Variants in HDAC9 observed in about 807,000 individuals in gnomAD.
The protein encoded by HDAC9 is MEF-2 interacting transcription repressor (MITR) protein.
In HDAC9, 41 loss-of-function variants were observed where a neutral mutation model predicts 139.4. The observed-to-expected ratio is 0.29, with a 90% CI of 0.23 to 0.38. HDAC9 has a LOEUF of 0.38. HDAC9 is among the 10% of genes least tolerant of loss of function. HDAC9 has a pLI of 1.00. For synonymous variants in HDAC9, 517 were observed against 476.2 expected, an observed-to-expected ratio of 1.09 and a Z score of -1.12; for missense variants, 1,147 against 1,297.0, an observed-to-expected ratio of 0.88 and a Z score of 1.78.
chr7:18,542,168 C>T (rs182303700), intron 2 of HDAC9, among the ~76,000 whole-genome samples: 4 of 152,246 alleles, frequency 2.6e-5, no homozygotes, highest in East Asian at 1.9e-4. Flanking sequence ...CCACTGATCT[C>T]GATGTTCTAT....
chr7:18,149,625 A>G (rs1584335282), intron 1 of HDAC9, among the ~76,000 whole-genome samples: 1 of 151,866 alleles, frequency 6.6e-6, no homozygotes, highest in East Asian at 1.9e-4. Flanking sequence ...ATCTCGGCTC[A>G]CTGCAGGCTT....
chr7:18,635,225 T>C (rs1195505634), intron 8 of HDAC9, among the ~76,000 whole-genome samples: 1 of 151,818 alleles, frequency 6.6e-6, no homozygotes, highest in African/African-American at 2.4e-5. Flanking sequence ...TACAGGCCTC[T>C]CAGAGGAAGA....
intron 2 of HDAC9, among the ~76,000 whole-genome samples, chr7:18,196,723 G>A (rs952313713): frequency 3.9e-5 from 6 of 152,164 alleles, no homozygotes; most frequent in South Asian, 2.1e-4. Context: ...TGTCCACAGC[G>A]TACGCAGTGA....
chr7:18,559,570 C>G (rs1355977936), intron 2 of HDAC9, among the ~76,000 whole-genome samples: 1 of 152,154 alleles, frequency 6.6e-6, no homozygotes, highest in Non-Finnish European at 1.5e-5. Flanking sequence ...CATTCCCCAT[C>G]TCTTTTTTCC....
intron 1 of HDAC9, among the ~76,000 whole-genome samples, chr7:18,395,880 A>G (rs1786983008): frequency 6.6e-6 from 1 of 152,150 alleles, no homozygotes; most frequent in Non-Finnish European, 1.5e-5. Context: ...TATGTGAGAA[A>G]AATTTAGGAG....
Position 18,610,219 on chromosome 7 carries a change from ATTAGT to A in HDAC9, c.664+16199_664+16203del, listed in dbSNP as rs554006839. 1.7e-3 allele frequency among the ~76,000 whole-genome samples: 266 copies of A among 152,312 alleles called. 1 individual carries two copies. The highest frequency in any genetic ancestry group is 2.7e-3 in the Non-Finnish European group (184 of 68,026). On this transcript the variant is annotated intron_variant, in intron 6 of 25. Transcript: ENST00000686413. ...TTTAAGAAGCAAGCACCAAATACAA[ATTAGT>A]TTAGTTTAAAAAGTGGGAGGTGTTT...
chr7:18,851,990 G>C (rs1198852145), intron 21 of HDAC9, among the ~76,000 whole-genome samples: 1 of 152,182 alleles, frequency 6.6e-6, no homozygotes, highest in Non-Finnish European at 1.5e-5. Flanking sequence ...TAGGAACCAA[G>C]GATTGTTGGA....
chr7:18,671,308 C>G (rs1054895082), intron 12 of HDAC9, among the ~76,000 whole-genome samples: 1 of 151,956 alleles, frequency 6.6e-6, no homozygotes, highest in Non-Finnish European at 1.5e-5. Context: ...TCGAGGGAAA[C>G]AGGTTCTGAC....
At chr7:18,928,746 A>T (rs1804457551) in intron 22 of HDAC9, among the ~76,000 whole-genome samples, 1 of 152,110 alleles carries the variant, frequency 6.6e-6, no homozygotes, top group Non-Finnish European at 1.5e-5. Flanking sequence ...CATGAAATAC[A>T]CAAAGGTAGA....
chr7:18,108,924 C>G (rs548537715), intron 1 of HDAC9, among the ~76,000 whole-genome samples: 2 of 152,102 alleles, frequency 1.3e-5, no homozygotes, highest in African/African-American at 4.8e-5. Flanking sequence ...TGGCCACACT[C>G]GTCTCTTATC....
At chr7:18,674,945 CTA>C (rs1167075818) in intron 12 of HDAC9, among the ~76,000 whole-genome samples, 5 of 151,890 alleles carry the variant, frequency 3.3e-5, no homozygotes, top group Admixed American at 6.6e-5. Context: ...GAATTATTGA[CTA>C]TGACTTCTAA....
chr7:18,440,141 G>A (rs991390682), intron 1 of HDAC9, among the ~76,000 whole-genome samples: 3 of 151,502 alleles, frequency 2.0e-5, no homozygotes, highest in Admixed American at 6.6e-5. Context: ...TTTTGTCTTT[G>A]GGATACTGTG....
chr7:18,411,816 GCTT>G (rs1788581317), intron 1 of HDAC9, among the ~76,000 whole-genome samples: 1 of 89,430 alleles, frequency 1.1e-5, no homozygotes, highest in Admixed American at 1.4e-4. Context: ...ATTTCAACTT[GCTT>G]TTTTTTTTTT....
At chr7:18,488,131 C>G (rs1278142641) in intron 1 of HDAC9, among the ~76,000 whole-genome samples, 1 of 151,904 alleles carries the variant, frequency 6.6e-6, no homozygotes, top group Non-Finnish European at 1.5e-5. Context: ...TTTTCATAGT[C>G]CTGTAGCTAA....
At chr7:18,269,738 G>A (rs974881249) in intron 2 of HDAC9, among the ~76,000 whole-genome samples, 5 of 151,628 alleles carry the variant, frequency 3.3e-5, no homozygotes, top group Non-Finnish European at 7.4e-5. Flanking sequence ...ATATATATAC[G>A]TATATATACA....
intron 1 of HDAC9, among the ~76,000 whole-genome samples, chr7:18,113,168 T>A (rs1211677599): frequency 6.6e-6 from 1 of 152,100 alleles, no homozygotes; most frequent in African/African-American, 2.4e-5. Flanking sequence ...CGTACATCAG[T>A]GAATTGTAAT....
chr7:18,296,071 T>C (rs1798128492), intron 1 of HDAC9, among the ~76,000 whole-genome samples: 1 of 152,182 alleles, frequency 6.6e-6, no homozygotes, highest in Admixed American at 6.5e-5. Flanking sequence ...TAGTAAGTGA[T>C]CTTTGAATTT....
At position 18,644,137 on chromosome 7, in the gene HDAC9, C is replaced by T. The variant is rs969196401; in HGVS notation, c.913-534C>T. Among the ~76,000 whole-genome samples, 5 of 152,128 alleles carry T rather than the reference C, an allele frequency of 3.3e-5. No individual in the cohort carries two copies. In the South Asian group the frequency reaches 8.3e-4, roughly 25 times the overall value. ...TCTGAATATGAATGATCTAAAAATA[C>T]ACCACACAGAATTGTCTATTCATAA... On this transcript the variant is annotated intron_variant, in intron 8 of 25. Coordinates refer to ENST00000686413, the MANE Select transcript of HDAC9 (RefSeq NM_178425.4).
chr7:18,392,770 T>C (rs1786651669), intron 1 of HDAC9, among the ~76,000 whole-genome samples: 1 of 151,954 alleles, frequency 6.6e-6, no homozygotes, highest in South Asian at 2.1e-4. Context: ...GAGGGGTCAC[T>C]CAGATATGAT....
Sources: gnomAD v4.1 joint callset for allele counts (sites outside exome capture counted in the v4.1 genomes callset) on GRCh38, gnomAD v4.1.1 for gene constraint, MANE v1.5 for transcripts, NCBI Gene and HGNC (gene_info 2026-07-23, HGNC 2026-07-21) for gene names.